The following WDFY3 variants were observed in gnomAD, a reference collection of about 807,000 sequenced individuals.
WDFY3 encodes WD repeat and FYVE domain-containing protein 3.
In WDFY3, 66 loss-of-function variants were observed where a neutral mutation model predicts 409.6. The observed-to-expected ratio is 0.16, with a 90% confidence interval of 0.13 to 0.20. The LOEUF (loss-of-function observed/expected upper bound fraction) is 0.20, where lower values mean the gene tolerates loss of function less well. WDFY3 is among the 10% of genes least tolerant of loss of function. The pLI is 1.00. For synonymous variants in WDFY3, 1,521 were observed against 1,537.1 expected (o/e 0.99, Z 0.25); for missense variants, 3,031 against 4,298.1 (o/e 0.71, Z 8.24).
chr4:84,695,336 C>T (rs569149036), intron 58 of WDFY3, among the ~76,000 whole-genome samples: 1 of 152,208 alleles, frequency 6.6e-6, no homozygotes, highest in East Asian at 1.9e-4. Flanking sequence ...CGTGCTCTCA[C>T]AGCACAGCAC....
chr4:84,711,787 G>T (rs1732944409), intron 51 of WDFY3, among the ~76,000 whole-genome samples: 2 of 151,714 alleles, frequency 1.3e-5, no homozygotes, highest in South Asian at 4.2e-4. Context: ...GGACGCGGAG[G>T]CTGCAGTGAA....
intron 65 of WDFY3, 74 bp from the exon 66 acceptor site, chr4:84,678,353 T>C (rs2148741296): frequency 1.8e-6 from 2 of 1,137,602 alleles, no homozygotes; most frequent in Non-Finnish European, 2.7e-6. Flanking sequence ...TACTCTAAGA[T>C]GGTGGCCTTA....
chr4:84,810,206 C>T lies in WDFY3; in HGVS notation c.2026G>A (p.Val676Met), dbSNP rs1197400726. The T allele has an allele frequency of 1.7e-5, 28 of 1,614,140 alleles. No individual in the cohort carries two copies. The highest frequency in any genetic ancestry group is 2.4e-5 in the Non-Finnish European group (28 of 1,180,012). Residue 676 changes from valine (V) to methionine (M), a missense_variant, in exon 14 of 68, where the codon GTG becomes ATG. This residue lies in a region of WDFY3 where 1,322 missense variants were observed against 1,697.9 expected (regional missense o/e 0.78). Coordinates refer to ENST00000295888, the MANE Select transcript of WDFY3 (RefSeq NM_014991.6). ...SCPPKNGWEK[V>M]NQNQVFELLH... ...AGTTCAAACACTTGATTCTGGTTCA[C>T]TTTCTCCCAGCCATTCTTGGGTGGA... is the stretch of plus-strand genomic sequence containing the variant.
At chr4:84,931,014 G>A (rs1415837647) in intron 2 of WDFY3, among the ~76,000 whole-genome samples, 1 of 152,074 alleles carries the variant, frequency 6.6e-6, no homozygotes, top group African/African-American at 2.4e-5. Context: ...TTTATTAGTA[G>A]TTATTATTGT....
intron 51 of WDFY3, among the ~76,000 whole-genome samples, chr4:84,712,511 A>G (rs1339709678): frequency 6.6e-6 from 1 of 152,018 alleles, no homozygotes; most frequent in Non-Finnish European, 1.5e-5. Flanking sequence ...ACCTGAGATC[A>G]GTAGTTTGAG....
chr4:84,938,233 T>C (rs565835502), intron 1 of WDFY3, among the ~76,000 whole-genome samples: 1 of 152,220 alleles, frequency 6.6e-6, no homozygotes, highest in South Asian at 2.1e-4. Context: ...GTTACTCTCT[T>C]AAGGCTAAAA....
At position 84,821,141 on chromosome 4, in the gene WDFY3, G is replaced by C; in HGVS notation, c.1534C>G (p.Leu512Val). Residue 512 changes from leucine (L) to valine (V), a missense_variant, in exon 11 of 68, where the codon CTT becomes GTT. This residue lies in a region of WDFY3 where 1,322 missense variants were observed against 1,697.9 expected (regional missense o/e 0.78). Coordinates refer to ENST00000295888, the MANE Select transcript of WDFY3 (RefSeq NM_014991.6). ...AACAGGGCAGCATATTTATGCAAAA[G>C]GTTTACCATGACCTCCAAAAGGCCA... ...EVGLLEVMVN[L>V]LHKYAALLKD... 1 of 1,613,540 alleles carries C rather than the reference G, an allele frequency of 6.2e-7. No homozygotes were observed. The highest frequency in any genetic ancestry group is 8.5e-7 in the Non-Finnish European group (1 of 1,179,756).
At chr4:84,952,473 T>C (rs1345171198) in intron 1 of WDFY3, among the ~76,000 whole-genome samples, 1 of 152,198 alleles carries the variant, frequency 6.6e-6, no homozygotes, top group East Asian at 1.9e-4. Flanking sequence ...CTATACTGAA[T>C]GACCTGAGGC....
chr4:84,751,114 T>C (rs193044892), intron 36 of WDFY3: 277 of 278,960 alleles, frequency 9.9e-4, no homozygotes, highest in Non-Finnish European at 1.4e-3. Context: ...AACACTGCCA[T>C]GCTCATTCTC....
intron 64 of WDFY3, among the ~76,000 whole-genome samples, chr4:84,680,200 T>G (rs1262211200): frequency 6.6e-6 from 1 of 152,190 alleles, no homozygotes; most frequent in Non-Finnish European, 1.5e-5. Flanking sequence ...TTTTTGGATA[T>G]TCTTTCTACA....
intron 2 of WDFY3, among the ~76,000 whole-genome samples, chr4:84,902,746 C>T (rs1168107802): frequency 1.3e-5 from 2 of 152,282 alleles, no homozygotes; most frequent in Non-Finnish European, 2.9e-5. Flanking sequence ...GACTCACTTT[C>T]GACAAGTAAA....
At chr4:84,865,193 C>T (rs1202224439) in intron 3 of WDFY3, among the ~76,000 whole-genome samples, 3 of 152,042 alleles carry the variant, frequency 2.0e-5, no homozygotes, top group South Asian at 4.1e-4. Context: ...CTGGCCTCAA[C>T]TTTCATTTTA....
At chr4:84,796,149 A>C (rs1578556393) in intron 19 of WDFY3, among the ~76,000 whole-genome samples, 1 of 151,990 alleles carries the variant, frequency 6.6e-6, no homozygotes, top group East Asian at 1.9e-4. Flanking sequence ...GGCAGTCTCC[A>C]TCATGACTAC....
chr4:84,707,815 A>G (rs1394364367), intron 53 of WDFY3, among the ~76,000 whole-genome samples: 1 of 152,206 alleles, frequency 6.6e-6, no homozygotes, highest in Non-Finnish European at 1.5e-5. Flanking sequence ...CAAATTAACT[A>G]TACAAGCAAA....
intron 39 of WDFY3, among the ~76,000 whole-genome samples, chr4:84,739,873 T>C (rs1003756202): frequency 2.0e-5 from 3 of 152,210 alleles, no homozygotes; most frequent in African/African-American, 2.4e-5. Flanking sequence ...TAACACTGCA[T>C]TGAGCTTCAC....
intron 7 of WDFY3, among the ~76,000 whole-genome samples, chr4:84,834,997 A>G (rs1044657469): frequency 7.9e-5 from 12 of 152,208 alleles, no homozygotes; most frequent in African/African-American, 2.9e-4. Context: ...CTAGGTTTTT[A>G]TCACTGTCAC....
At chr4:84,825,965 A>C (rs933787466) in intron 10 of WDFY3, among the ~76,000 whole-genome samples, 2 of 152,186 alleles carry the variant, frequency 1.3e-5, no homozygotes, top group Non-Finnish European at 2.9e-5. Flanking sequence ...TATGTAATTA[A>C]ATATTATTAG....
chr4:84,859,007 CAG>C lies in WDFY3; in HGVS notation c.180+1403_180+1404del, dbSNP rs571591574. On this transcript the variant is annotated intron_variant, in intron 4 of 67. Transcript: ENST00000295888. ...ACAGATAGGAAGAAAGAAATGGAAA[CAG>C]GGGAAGGCAGGCAGACACAGGATAA... 1.7e-4 allele frequency among the ~76,000 whole-genome samples: 26 copies of C among 151,552 alleles called. 1 individual carries two copies. Among genetic ancestry groups the C allele is most frequent in the Non-Finnish European group, 2.9e-4 (20 of 67,880 alleles).
intron 46 of WDFY3, 79 bp from the exon 47 acceptor site, chr4:84,721,651 T>C (rs1254991499): frequency 1.3e-6 from 2 of 1,514,762 alleles, no homozygotes; most frequent in Admixed American, 2.0e-5. Context: ...TGTAGTTCCT[T>C]CTATAGATTT....
Sources: allele counts gnomAD v4.1 joint callset (sites outside exome capture counted in the v4.1 genomes callset), GRCh38; gene constraint gnomAD v4.1.1; regional missense constraint gnomAD v4.1.1; transcripts MANE v1.5; gene names NCBI Gene and HGNC (gene_info 2026-07-23, HGNC 2026-07-21).